LRCH3: variants seen among roughly 807,000 people sequenced by gnomAD.
The protein encoded by LRCH3 is DISP complex protein LRCH3.
A neutral mutation model predicts 104.5 loss-of-function variants in LRCH3; 68 were observed. The ratio of observed to expected loss-of-function variants is 0.65; its 90% confidence interval spans 0.54 to 0.80. LRCH3 has a LOEUF of 0.80. LRCH3 is among the 30% of genes least tolerant of loss of function. The probability of loss-of-function intolerance (pLI) is 0.00; values close to 1 mark genes in which losing one functional copy is unlikely to be tolerated. For missense variants in LRCH3, 951 were observed against 953.9 expected, an observed-to-expected ratio of 1.00 and a Z score of 0.04; for synonymous variants, 344 against 361.3, an observed-to-expected ratio of 0.95 and a Z score of 0.54.
Position 197,830,757 on chromosome 3 carries a change from C to T in LRCH3, c.888-13C>T. The T allele has an allele frequency of 6.2e-7, 1 of 1,601,484 alleles. No individual in the cohort carries two copies. Among genetic ancestry groups the T allele is most frequent in the Non-Finnish European group, 8.5e-7 (1 of 1,171,118 alleles). ...ATAACAAACTTTGCAGTAACAGAGTCTCTTTTCGGCAGCCATGAAGAACTG... is the reference window on the plus strand; with the variant it reads ...ATAACAAACTTTGCAGTAACAGAGTTTCTTTTCGGCAGCCATGAAGAACTG... On this transcript the variant is annotated splice_polypyrimidine_tract_variant and intron_variant, in intron 6 of 20. Transcript: ENST00000425562.
intron 1 of LRCH3, among the ~76,000 whole-genome samples, chr3:197,794,689 A>C (rs1580509384): frequency 6.6e-6 from 1 of 152,134 alleles, no homozygotes; most frequent in East Asian, 1.9e-4. Flanking sequence ...TTTTCTTGGG[A>C]CTTTCTGTGC....
intron 12 of LRCH3, among the ~76,000 whole-genome samples, chr3:197,850,052 G>C (rs986618100): frequency 1.3e-5 from 2 of 152,296 alleles, no homozygotes; most frequent in South Asian, 4.2e-4. Context: ...ATTTAGCCAG[G>C]AAGAAAAGAC....
In LRCH3 at chr3:197,848,002, C is replaced by T. The variant is rs1188376018; in HGVS notation, c.1511C>T (p.Ala504Val). ...KIRTKQIQRD[A>V]VLDFVKQKAS... ...AGGACCAAGCAGATCCAGAGAGATGCTGTCCTGGACTTTGTCAAAGTGAGT... is the reference window on the plus strand; with the variant it reads ...AGGACCAAGCAGATCCAGAGAGATGTTGTCCTGGACTTTGTCAAAGTGAGT... Residue 504 changes from alanine (A) to valine (V), a missense_variant, in exon 12 of 21, where the codon GCT becomes GTT. By Grantham distance (64) the Ala-to-Val change is moderately conservative. Coordinates refer to ENST00000425562, the MANE Select transcript of LRCH3 (RefSeq NM_001365715.1). 6.2e-7 allele frequency: 1 copy of T among 1,614,072 alleles called. No individual in the cohort carries two copies.
At chr3:197,817,331 T>TTTTGTGTGTGTGTAC in intron 3 of LRCH3, 29 bp downstream of exon 3, 1 of 445,920 alleles carries the variant, frequency 2.2e-6, no homozygotes, top group South Asian at 3.3e-5. Context: ...TTGTCCAACA[T>TTTTGTGTGTGTGTAC]GTGTGTGTGT....
intron 1 of LRCH3, among the ~76,000 whole-genome samples, chr3:197,797,327 C>CAAA (rs3085302): frequency 0.72 from 51,163 of 71,498 alleles, 18,532 homozygotes; most frequent in East Asian, 0.9. Context: ...AACTCCATCT[C>CAAA]AAAAAAAAAA....
At chr3:197,835,246 C>T (rs949104811) in intron 8 of LRCH3, among the ~76,000 whole-genome samples, 7 of 151,774 alleles carry the variant, frequency 4.6e-5, no homozygotes, top group African/African-American at 7.3e-5. Context: ...TGCAGTGGTA[C>T]GGTCTTGGCT....
chr3:197,883,219 T>TA lies in LRCH3; in HGVS notation c.2209-321dup. 9.7e-7 allele frequency: 1 copy of TA among 1,035,624 alleles called. No homozygotes were observed. The highest frequency in any genetic ancestry group is 1.2e-6 in the Non-Finnish European group (1 of 862,238). The allele number at this position is 1,035,624 out of a possible 1,614,324, so 64.2% of individuals were successfully genotyped here. ...ATTTTATAGACCTGTATTGACCTTT[T>TA]ATTCATCAGGGATAAAGGATGTTGC... On this transcript the variant is annotated intron_variant, in intron 20 of 20. Coordinates refer to ENST00000425562, the MANE Select transcript of LRCH3 (RefSeq NM_001365715.1). The surrounding 1 kb of genome is among the most constrained non-coding windows in gnomAD (Gnocchi z 4.2).
At chr3:197,815,183 T>G in intron 2 of LRCH3, 131 bp downstream of exon 2, 1 of 517,142 alleles carries the variant, frequency 1.9e-6, no homozygotes, top group Non-Finnish European at 3.3e-6. Flanking sequence ...TGCTCTTGGA[T>G]ATATTAACAG....
intron 1 of LRCH3, among the ~76,000 whole-genome samples, chr3:197,807,659 C>T (rs1287723029): frequency 6.6e-6 from 1 of 152,062 alleles, no homozygotes; most frequent in East Asian, 1.9e-4. Context: ...CCTTTGTTTT[C>T]CTTTCTGTGT....
intron 5 of LRCH3, among the ~76,000 whole-genome samples, chr3:197,829,238 TGAG>T (rs1217287018): frequency 4.6e-5 from 7 of 152,338 alleles, no homozygotes; most frequent in African/African-American, 1.4e-4. Flanking sequence ...TGTAATCTAA[TGAG>T]GAGAAATGCT....
Position 197,856,247 on chromosome 3 carries a change from G to A in LRCH3, c.1644+1802G>A, listed in dbSNP as rs1465600141. On this transcript the variant is annotated intron_variant, in intron 14 of 20. Coordinates refer to ENST00000425562, the MANE Select transcript of LRCH3 (RefSeq NM_001365715.1). The surrounding 1 kb of genome is among the most constrained non-coding windows in gnomAD (Gnocchi z 4.2). ...CCACCCTTAAATCAGCCCACAGTTT[G>A]ACAGTTAAATAAACTGACAGGAGCT... 6.6e-6 allele frequency among the ~76,000 whole-genome samples: 1 copy of A among 152,076 alleles called. No homozygotes were observed. Among genetic ancestry groups the A allele is most frequent in the Non-Finnish European group, 1.5e-5 (1 of 68,008 alleles).
In LRCH3 at chr3:197,887,518, C is replaced by CCAT. The variant is rs1714309648; in HGVS notation, c.*3855_*3857dup. The CCAT allele has an allele frequency of 7.4e-6, 1 of 135,458 alleles. No homozygotes were observed. Among genetic ancestry groups the CCAT allele is most frequent in the Non-Finnish European group, 1.6e-5 (1 of 63,222 alleles). 8.4% of individuals were successfully genotyped at this position (135,458 alleles called of 1,614,324 possible). On this transcript the variant is annotated 3_prime_UTR_variant, in exon 21 of 21. Transcript: ENST00000425562. ...TGAGAGCCCCCCAGCAGAGCCCTTC[C>CCAT]CATCACTGAACAGTGTTGGCGGCTG...
intron 9 of LRCH3, among the ~76,000 whole-genome samples, chr3:197,836,332 G>T (rs1736787151): frequency 6.6e-6 from 1 of 152,134 alleles, no homozygotes; most frequent in African/African-American, 2.4e-5. Context: ...AAAGTTCTTG[G>T]GTATCTCTTA....
rs200265345 is a variant in LRCH3, at chr3:197,860,605, TTTTTAC to T, written c.1716+1705_1716+1710del. On this transcript the variant is annotated intron_variant, in intron 15 of 20. Transcript: ENST00000425562. ...GAATTCTTGTATCATGTCCTTTTTT[TTTTTAC>T]TTTTTAATTTTTGTGGGTACATAGT... Among the ~76,000 whole-genome samples, 323 of 147,252 alleles carry T rather than the reference TTTTTAC, an allele frequency of 2.2e-3. 1 individual carries two copies. Among genetic ancestry groups the T allele is most frequent in the African/African-American group, 7.7e-3 (300 of 38,998 alleles).
chr3:197,868,602 G>C (rs1256868808), intron 17 of LRCH3, among the ~76,000 whole-genome samples: 1 of 152,168 alleles, frequency 6.6e-6, no homozygotes, highest in Non-Finnish European at 1.5e-5. Context: ...TGTCCATCAA[G>C]AGAATGGATA....
At chr3:197,800,681 A>G (rs190353235) in intron 1 of LRCH3, among the ~76,000 whole-genome samples, 2 of 152,204 alleles carry the variant, frequency 1.3e-5, no homozygotes, top group African/African-American at 4.8e-5. Flanking sequence ...TCTCAGAGAA[A>G]GTTGTGTGTA....
At chr3:197,801,000 CAGG>C (rs1731826001) in intron 1 of LRCH3, among the ~76,000 whole-genome samples, 1 of 151,340 alleles carries the variant, frequency 6.6e-6, no homozygotes, top group Non-Finnish European at 1.5e-5. Context: ...GAGGCTGAGG[CAGG>C]AGAATCGCTT....
At chr3:197,797,874 C>CA (rs1001772234) in intron 1 of LRCH3, among the ~76,000 whole-genome samples, 10 of 15,786 alleles carry the variant, frequency 6.3e-4, no homozygotes, top group Non-Finnish European at 1.0e-3. Context: ...AAAAAAAAAA[C>CA]AAAAAAAACA....
chr3:197,820,016 G>A (rs1216047576), intron 3 of LRCH3, among the ~76,000 whole-genome samples: 1 of 152,098 alleles, frequency 6.6e-6, no homozygotes, highest in Admixed American at 6.5e-5. Flanking sequence ...CGCAGCAAGC[G>A]GCCTTTTCTA....
Sources: gnomAD v4.1 joint callset for allele counts (sites outside exome capture counted in the v4.1 genomes callset) on GRCh38, gnomAD v4.1.1 for gene constraint, Gnocchi (gnomAD v3.1) non-coding constraint, MANE v1.5 for transcripts, NCBI Gene and HGNC (gene_info 2026-07-23, HGNC 2026-07-21) for gene names.